Variants in NRSN2 observed in about 807,000 individuals in gnomAD.
NRSN2 encodes the protein neurensin 2, also known as neurensin-2.
A neutral mutation model predicts 11.1 loss-of-function variants in NRSN2; 10 were observed. The ratio of observed to expected loss-of-function variants is 0.90; its 90% CI spans 0.56 to 1.53. The LOEUF (loss-of-function observed/expected upper bound fraction) is 1.53, where lower values mean the gene tolerates loss of function less well. Among genes scored for constraint, NRSN2 ranks in the 40% most tolerant of loss-of-function variants. The probability of loss-of-function intolerance (pLI) is 0.00; values close to 1 mark genes in which losing one functional copy is unlikely to be tolerated. For missense variants in NRSN2, 260 were observed against 273.7 expected, an observed-to-expected ratio of 0.95 and a Z score of 0.35; for synonymous variants, 100 against 117.0, an observed-to-expected ratio of 0.86 and a Z score of 0.94.
Position 354,537 on chromosome 20 carries a change from A to G in NRSN2, c.*902A>G, listed in dbSNP as rs2014240742. ...TTTGCCCCTCAAAGTCCACCTACCT[A>G]GAAACCAAGCCCACGGTCTTGGCCG... On this transcript the variant is annotated 3_prime_UTR_variant, in exon 5 of 5. Coordinates refer to ENST00000382285, the MANE Select transcript of NRSN2 (RefSeq NM_001323682.2). 1 of 152,292 alleles carries G rather than the reference A, an allele frequency of 6.6e-6. No individual in the cohort carries two copies. The highest frequency in any genetic ancestry group is 1.5e-5 in the Non-Finnish European group (1 of 68,102). The allele number at this position is 152,292 out of a possible 1,614,324, so 9.4% of individuals were successfully genotyped here. A position where few individuals can be genotyped will look rare whatever the true frequency, so the allele number is the denominator to read the frequency against.
intron 3 of NRSN2, 121 bp from the exon 4 acceptor site, chr20:349,517 G>C: frequency 2.8e-6 from 2 of 714,338 alleles, no homozygotes; most frequent in Non-Finnish European, 2.3e-6. Context: ...TATGCGTGTA[G>C]GGTGTCTCGA....
In NRSN2 at chr20:353,580, C is replaced by A; in HGVS notation, c.560C>A (p.Ala187Asp). 6.2e-7 allele frequency: 1 copy of A among 1,614,220 alleles called. No homozygotes were observed. The highest frequency in any genetic ancestry group is 1.1e-5 in the South Asian group (1 of 91,084). Residue 187 changes from alanine to aspartate, a missense_variant, in exon 5 of 5, where the codon GCC (alanine) becomes GAC (aspartate). Coordinates refer to ENST00000382285, the MANE Select transcript of NRSN2 (RefSeq NM_001323682.2). ...ASGQSWFSPP[A>D]SPFGQSSVQT... The stretch of plus-strand genomic sequence containing the variant: ...GGCCAGTCATGGTTCTCGCCACCCG[C>A]CAGCCCCTTTGGGCAATCTTCTGTG...
intron 3 of NRSN2, 94 bp downstream of exon 3, chr20:349,457 C>T (rs1332467793): frequency 9.0e-6 from 5 of 554,322 alleles, no homozygotes; most frequent in Non-Finnish European, 1.6e-5. Context: ...GGCTCATTCG[C>T]AGTGTGCTTT....
rs1723838208 is a variant in NRSN2, at chr20:354,214, TAGGTG to T, written c.*585_*589del. ...ACAGGCAATTACTAGCCCTAGTTGA[TAGGTG>T]AGGTGGGTGAAGAAGGCTGGAGGTG... On this transcript the variant is annotated 3_prime_UTR_variant, in exon 5 of 5. Transcript: ENST00000382285. 1 of 152,534 alleles carries T rather than the reference TAGGTG, an allele frequency of 6.6e-6. No individual in the cohort carries two copies. Among genetic ancestry groups the T allele is most frequent in the Non-Finnish European group, 1.5e-5 (1 of 68,290 alleles). The allele number at this position is 152,534 out of a possible 1,614,324, so 9.4% of individuals were successfully genotyped here. A position where few individuals can be genotyped will look rare whatever the true frequency, so the allele number is the denominator to read the frequency against.
intron 4 of NRSN2, among the ~76,000 whole-genome samples, chr20:351,310 G>C (rs6115676): frequency 6.6e-6 from 1 of 152,206 alleles, no homozygotes. Flanking sequence ...TGAAGCAGGA[G>C]GATTGCTTGA....
Position 354,857 on chromosome 20 carries a change from G to T in NRSN2, c.*1222G>T, listed in dbSNP as rs1458716416. On this transcript the variant is annotated 3_prime_UTR_variant, in exon 5 of 5. Coordinates refer to ENST00000382285, the MANE Select transcript of NRSN2 (RefSeq NM_001323682.2). ...ACCTTCCCTTTCAATAAACAGCTGG[G>T]ATGGATACTGACTTTGTTTCCTTTC... The T allele has an allele frequency of 6.6e-6, 1 of 152,370 alleles. No homozygotes were observed. The highest frequency in any genetic ancestry group is 1.5e-5 in the Non-Finnish European group (1 of 68,170). 9.4% of individuals were successfully genotyped at this position (152,370 alleles called of 1,614,324 possible).
chr20:353,639 GC>G lies in NRSN2; in HGVS notation c.*7del. ...CCAGCCCAAGAGGGACTCCTGAGCT[GC>G]CCACATGGCCTAAGATGTGGGTCCT... On this transcript the variant is annotated 3_prime_UTR_variant, in exon 5 of 5. Transcript: ENST00000382285. The G allele has an allele frequency of 6.2e-7, 1 of 1,610,564 alleles. No individual in the cohort carries two copies.
rs2014198416 is a variant in NRSN2, at chr20:353,909, C to G, written c.*274C>G. 1 of 492,536 alleles carries G rather than the reference C, an allele frequency of 2.0e-6. No individual in the cohort carries two copies. The highest frequency in any genetic ancestry group is 3.6e-6 in the Non-Finnish European group (1 of 277,840). The allele number at this position is 492,536 out of a possible 1,614,324, so 30.5% of individuals were successfully genotyped here. On this transcript the variant is annotated 3_prime_UTR_variant, in exon 5 of 5. Transcript: ENST00000382285. The stretch of plus-strand genomic sequence containing the variant: ...CAGAAAACATCTCCTTCAACCCGTC[C>G]CCACTCCTTCCTCTGCATGACCTTG...
chr20:350,899 G>T (rs1339257940), intron 4 of NRSN2, among the ~76,000 whole-genome samples: 1 of 152,026 alleles, frequency 6.6e-6, no homozygotes, highest in Non-Finnish European at 1.5e-5. Context: ...TGGACTCTCA[G>T]GTCTTCACTC....
In NRSN2 at chr20:353,684, C is replaced by T; in HGVS notation, c.*49C>T. On this transcript the variant is annotated 3_prime_UTR_variant, in exon 5 of 5. Transcript: ENST00000382285. The stretch of plus-strand genomic sequence containing the variant: ...GGGTCCTGGATCCTTCCCCCCTTCT[C>T]ACCATAACCCCCTCTCAGTGTTTCC... The T allele has an allele frequency of 3.2e-6, 5 of 1,548,024 alleles. No individual in the cohort carries two copies. The highest frequency in any genetic ancestry group is 3.5e-6 in the Non-Finnish European group (4 of 1,137,444).
intron 4 of NRSN2, among the ~76,000 whole-genome samples, chr20:350,217 G>A (rs759317807): frequency 3.3e-5 from 5 of 152,076 alleles, no homozygotes; most frequent in Non-Finnish European, 7.4e-5. Context: ...GTTCACGCCT[G>A]TAATCCCAGC....
chr20:348,997 C>G (rs2013705223), intron 2 of NRSN2, among the ~76,000 whole-genome samples: 2 of 151,974 alleles, frequency 1.3e-5, no homozygotes, highest in South Asian at 4.2e-4. Flanking sequence ...AGGGGCAGTC[C>G]TGGGGAGGAC....
intron 2 of NRSN2, chr20:348,542 G>A (rs545894031): frequency 6.8e-5 from 8 of 118,224 alleles, no homozygotes; most frequent in Non-Finnish European, 1.4e-4. Context: ...ACCTATCTGG[G>A]TATGTCTCTG....
Position 353,504 on chromosome 20 carries a change from T to G in NRSN2, c.484T>G (p.Phe162Val). 1 of 1,614,190 alleles carries G rather than the reference T, an allele frequency of 6.2e-7. No individual in the cohort carries two copies. Residue 162 changes from phenylalanine (F) to valine (V), a missense_variant, in exon 5 of 5, where the codon TTC becomes GTC. Phe to Val is a conservative substitution (Grantham distance 50). Coordinates refer to ENST00000382285, the MANE Select transcript of NRSN2 (RefSeq NM_001323682.2). Reference sequence around the variant, plus strand: ...CGAAGCCGACAGCCACGTGGAGGTCTTCGGGGATGAGCCAGAGCAGCAGTT... The same window carrying G: ...CGAAGCCGACAGCCACGTGGAGGTCGTCGGGGATGAGCCAGAGCAGCAGTT... ...DPEADSHVEV[F>V]GDEPEQQLSP...
Position 353,521 on chromosome 20 carries a change from G to A in NRSN2, c.501G>A (p.Glu167=), listed in dbSNP as rs1274975720. Residue 167 remains glutamate (E), a synonymous_variant, in exon 5 of 5, where the codon GAG becomes GAA. Coordinates refer to ENST00000382285, the MANE Select transcript of NRSN2 (RefSeq NM_001323682.2). ...SHVEVFGDEP[E]QQLSPIFRNA... Reference sequence around the variant, plus strand: ...TGGAGGTCTTCGGGGATGAGCCAGAGCAGCAGTTGTCACCCATTTTCCGCA... The same window carrying A: ...TGGAGGTCTTCGGGGATGAGCCAGAACAGCAGTTGTCACCCATTTTCCGCA... The A allele has an allele frequency of 6.2e-7, 1 of 1,614,196 alleles. No individual in the cohort carries two copies. The highest frequency in any genetic ancestry group is 1.1e-5 in the South Asian group (1 of 91,086).
chr20:349,966 C>G, intron 4 of NRSN2, 134 bp downstream of exon 4: 1 of 676,038 alleles, frequency 1.5e-6, no homozygotes, highest in South Asian at 2.6e-5. Context: ...ACAGAAAACC[C>G]AATTCAAATG....
intron 2 of NRSN2, chr20:348,392 T>G (rs1292436917): frequency 6.6e-6 from 1 of 152,066 alleles, no homozygotes; most frequent in Admixed American, 6.6e-5. Context: ...TTCCCTGAAT[T>G]GTAAGTGAGG....
chr20:351,463 G>C (rs2013966005), intron 4 of NRSN2, among the ~76,000 whole-genome samples: 2 of 152,322 alleles, frequency 1.3e-5, no homozygotes, highest in South Asian at 4.1e-4. Flanking sequence ...GAGCCCAGGA[G>C]GTTGAAGCTG....
chr20:351,921 AC>A (rs2013998023), intron 4 of NRSN2, among the ~76,000 whole-genome samples: 2 of 152,182 alleles, frequency 1.3e-5, no homozygotes, highest in Admixed American at 6.5e-5. Flanking sequence ...CAATACACTT[AC>A]CACTTTGCAC....
Sources: gnomAD v4.1 joint callset for allele counts (sites outside exome capture counted in the v4.1 genomes callset) on GRCh38, gnomAD v4.1.1 for gene constraint, MANE v1.5 for transcripts, NCBI Gene and HGNC (gene_info 2026-07-23, HGNC 2026-07-21) for gene names.